The following PCNX1 variants were observed in gnomAD, a reference collection of about 807,000 sequenced individuals.
PCNX1 encodes pecanex 1.
Under a neutral mutation model 242.2 loss-of-function variants are expected in PCNX1, and 78 were observed. That is an observed-to-expected ratio of 0.32 (90% CI 0.27 to 0.39). The LOEUF is 0.39. Among genes scored for constraint, PCNX1 ranks in the 10% least tolerant of loss-of-function variants. PCNX1 has a pLI of 1.00. For synonymous variants in PCNX1, 1,024 were observed against 1,032.9 expected, an observed-to-expected ratio of 0.99 and a Z score of 0.17; for missense variants, 2,581 against 2,856.5, an observed-to-expected ratio of 0.90 and a Z score of 2.20.
chr14:71,047,215 TGA>T, intron 21 of PCNX1, 110 bp downstream of exon 21: 1 of 503,222 alleles, frequency 2.0e-6, no homozygotes, highest in Non-Finnish European at 2.9e-6. Context: ...CAAGGCACTG[TGA>T]GATTAAAAAT....
At chr14:70,956,973 GTAAA>G (rs3082232) in intron 2 of PCNX1, among the ~76,000 whole-genome samples, 10,464 of 142,070 alleles carry the variant, frequency 0.074, 465 homozygotes, top group East Asian at 0.28. Flanking sequence ...TAAGTACTGA[GTAAA>G]TATTTGTTTT....
intron 26 of PCNX1, among the ~76,000 whole-genome samples, chr14:71,061,526 C>T (rs79893074): frequency 0.016 from 2,379 of 152,240 alleles, 23 homozygotes; most frequent in Middle Eastern, 0.044. Context: ...AAGAAGTTGT[C>T]GCAGCTTTTC....
At chr14:70,940,348 C>T (rs964417805) in intron 1 of PCNX1, among the ~76,000 whole-genome samples, 1 of 152,152 alleles carries the variant, frequency 6.6e-6, no homozygotes, top group African/African-American at 2.4e-5. Context: ...TCAGCATTTG[C>T]TTGTCTGTAA....
chr14:70,958,985 C>T lies in PCNX1; in HGVS notation c.363-3241C>T, dbSNP rs10142606. On this transcript the variant is annotated intron_variant, in intron 2 of 35. Transcript: ENST00000304743. The stretch of plus-strand genomic sequence containing the variant: ...AAGATATATCCTCTGTAATGTCCAA[C>T]ACATATATTGTAACTTTTATCCAGA... Among the ~76,000 whole-genome samples, 906 of 106,390 alleles carry T rather than the reference C, an allele frequency of 8.5e-3. 10 individuals carry two copies. Among genetic ancestry groups the T allele is most frequent in the African/African-American group, 0.031 (854 of 27,402 alleles). 69.8% of individuals were successfully genotyped at this position (106,390 alleles called of 152,430 possible). A position where few individuals can be genotyped will look rare whatever the true frequency, so the allele number is the denominator to read the frequency against.
chr14:70,908,326 C>A (rs986599376), intron 1 of PCNX1, among the ~76,000 whole-genome samples: 4 of 152,196 alleles, frequency 2.6e-5, no homozygotes, highest in Non-Finnish European at 5.9e-5. Context: ...GGGCCCCCCG[C>A]CCGTGGGGCT....
intron 8 of PCNX1, among the ~76,000 whole-genome samples, chr14:70,999,458 A>G (rs2059442202): frequency 6.6e-6 from 1 of 152,216 alleles, no homozygotes; most frequent in Non-Finnish European, 1.5e-5. Context: ...TTGACAAGAA[A>G]TGAGGACAAG....
chr14:71,102,272 G>T, intron 31 of PCNX1, 52 bp downstream of exon 31: 2 of 1,434,352 alleles, frequency 1.4e-6, no homozygotes, highest in South Asian at 1.2e-5. Flanking sequence ...TGAATAACTT[G>T]ATCTAAAATT....
At chr14:70,967,490 T>A (rs1360003998) in intron 3 of PCNX1, among the ~76,000 whole-genome samples, 4 of 152,234 alleles carry the variant, frequency 2.6e-5, no homozygotes, top group Non-Finnish European at 5.9e-5. Context: ...TTTATTTATA[T>A]GATTTTCATG....
chr14:70,988,624 G>T lies in PCNX1; in HGVS notation c.2369G>T (p.Arg790Leu), dbSNP rs747959435. Residue 790 changes from arginine (R) to leucine (L), a missense_variant, in exon 7 of 36, where the codon CGC becomes CTC. By Grantham distance (102) the Arg-to-Leu change is moderately radical. Around this residue, in one of 9 missense-constraint regions of PCNX1, gnomAD observed 1,204 missense variants for 1,216.7 expected, o/e 0.99. Coordinates refer to ENST00000304743, the MANE Select transcript of PCNX1 (RefSeq NM_014982.3). ...SFRRERSTFRRQAVRRRHNAG... is the reference protein window; with the variant it reads ...SFRRERSTFRLQAVRRRHNAG... Reference sequence around the variant, plus strand: ...CGCCGTGAACGCAGCACATTTAGGCGCCAGGCAGTACGGCGCCGGCACAAT... The same window carrying T: ...CGCCGTGAACGCAGCACATTTAGGCTCCAGGCAGTACGGCGCCGGCACAAT... 1 of 1,613,936 alleles carries T rather than the reference G, an allele frequency of 6.2e-7. No homozygotes were observed. Among genetic ancestry groups the T allele is most frequent in the Non-Finnish European group, 8.5e-7 (1 of 1,179,986 alleles).
Position 71,073,608 on chromosome 14 carries a change from T to G in PCNX1, c.4916T>G (p.Phe1639Cys). Reference sequence around the variant, plus strand: ...GAAGGTGTAGAGGAAGATGAAGGATTTTGCTGTTGTGAACCTGGCCATATT... The same window carrying G: ...GAAGGTGTAGAGGAAGATGAAGGATGTTGCTGTTGTGAACCTGGCCATATT... ...ITEGVEEDEG[F>C]CCCEPGHIPH... Residue 1639 changes from phenylalanine to cysteine, a missense_variant, in exon 27 of 36, where the codon TTT (phenylalanine) becomes TGT (cysteine). Physicochemically the swap from Phe to Cys is radical, Grantham distance 205. This residue lies in a region of PCNX1 where 298 missense variants were observed against 480.1 expected (regional missense o/e 0.62). Coordinates refer to ENST00000304743, the MANE Select transcript of PCNX1 (RefSeq NM_014982.3). 1 of 1,613,996 alleles carries G rather than the reference T, an allele frequency of 6.2e-7. No homozygotes were observed. The highest frequency in any genetic ancestry group is 8.5e-7 in the Non-Finnish European group (1 of 1,179,926).
rs1340500222 is a variant in PCNX1, at chr14:71,109,858, G to T, written c.6949G>T (p.Val2317Leu). 1.2e-6 allele frequency: 2 copies of T among 1,612,784 alleles called. No individual in the cohort carries two copies. The highest frequency in any genetic ancestry group is 2.2e-5 in the South Asian group (2 of 91,044). ...TACCAGATCCCACATCGACAAGGCA[G>T]TGCTTCTGGTCCAGATTGATGATAA... ...PGTRSHIDKA[V>L]LLVQIDDKYV... The change falls in exon 36 of 36, where the codon GTG becomes TTG. Residue 2317 changes from valine (V) to leucine (L), a missense_variant. Physicochemically the swap from Val to Leu is conservative, Grantham distance 32 (BLOSUM62 1). Coordinates refer to ENST00000304743, the MANE Select transcript of PCNX1 (RefSeq NM_014982.3).
intron 1 of PCNX1, among the ~76,000 whole-genome samples, chr14:70,939,679 G>T (rs1007026855): frequency 4.6e-5 from 7 of 152,156 alleles, no homozygotes; most frequent in Non-Finnish European, 7.3e-5. Flanking sequence ...TCAATTCCTG[G>T]ATATCCTTGA....
chr14:71,069,749 A>G (rs1300220714), intron 26 of PCNX1, among the ~76,000 whole-genome samples: 2 of 152,214 alleles, frequency 1.3e-5, no homozygotes, highest in African/African-American at 4.8e-5. Context: ...GCCTTCAGTG[A>G]GTTGTAATCT....
At chr14:70,991,640 TCATGGGTAAAGTAA>T in intron 7 of PCNX1, among the ~76,000 whole-genome samples, 1 of 152,322 alleles carries the variant, frequency 6.6e-6, no homozygotes, top group African/African-American at 2.4e-5. Context: ...GCTGATTTCA[TCATGGGTAAAGTAA>T]AATAAAATTT....
intron 32 of PCNX1, 102 bp downstream of exon 32, chr14:71,103,771 C>T (rs1343910635): frequency 6.8e-6 from 7 of 1,027,674 alleles, no homozygotes; most frequent in South Asian, 4.5e-5. Flanking sequence ...ATTACAGGTG[C>T]CATGGTACAA....
chr14:71,040,731 T>C (rs1370461996), intron 19 of PCNX1, among the ~76,000 whole-genome samples: 1 of 152,154 alleles, frequency 6.6e-6, no homozygotes, highest in East Asian at 1.9e-4. Flanking sequence ...TAAATGAGCA[T>C]TGACTATAGT....
chr14:71,029,783 G>C (rs2060332399), intron 16 of PCNX1, among the ~76,000 whole-genome samples: 1 of 152,190 alleles, frequency 6.6e-6, no homozygotes, highest in Admixed American at 6.5e-5. Context: ...AATTTCTGGA[G>C]GTTTGGGTAC....
chr14:71,034,149 A>G, intron 18 of PCNX1, 113 bp downstream of exon 18: 1 of 610,332 alleles, frequency 1.6e-6, no homozygotes, highest in East Asian at 2.9e-5. Flanking sequence ...ATGTATAATT[A>G]TAATTTATAG....
At chr14:71,101,138 CA>C (rs1250127792) in intron 30 of PCNX1, among the ~76,000 whole-genome samples, 1 of 152,172 alleles carries the variant, frequency 6.6e-6, no homozygotes, top group African/African-American at 2.4e-5. Flanking sequence ...AAATTCTGGT[CA>C]GTTGACTTGA....
Sources: allele counts gnomAD v4.1 joint callset (sites outside exome capture counted in the v4.1 genomes callset), GRCh38; gene constraint gnomAD v4.1.1; regional missense constraint gnomAD v4.1.1; transcripts MANE v1.5; gene names NCBI Gene and HGNC (gene_info 2026-07-23, HGNC 2026-07-21).